OSBPL2: variants seen among roughly 807,000 people sequenced by gnomAD.
OSBPL2 encodes oxysterol binding protein like 2.
Under a neutral mutation model 58.4 loss-of-function variants are expected in OSBPL2, and 18 were observed. The ratio of observed to expected loss-of-function variants is 0.31; its 90% CI spans 0.21 to 0.46. The LOEUF (loss-of-function observed/expected upper bound fraction) is 0.46. OSBPL2 is among the 20% of genes least tolerant of loss of function. The pLI, the probability that OSBPL2 is intolerant of heterozygous loss-of-function variation, is 1.00. For synonymous variants in OSBPL2, 221 were observed against 234.1 expected, an observed-to-expected ratio of 0.94 and a Z score of 0.51; for missense variants, 461 against 616.5, an observed-to-expected ratio of 0.75 and a Z score of 2.67.
chr20:62,268,853 C>G (rs543668523), intron 4 of OSBPL2, among the ~76,000 whole-genome samples: 30 of 152,046 alleles, frequency 2.0e-4, no homozygotes, highest in Non-Finnish European at 3.8e-4. Flanking sequence ...GTCAGGAGTT[C>G]GAGACCAGTC....
rs1981905882 is a variant in OSBPL2, at chr20:62,269,396, CAG to C, written c.259-2728_259-2727del. On this transcript the variant is annotated intron_variant, in intron 4 of 13. Coordinates refer to ENST00000313733, the MANE Select transcript of OSBPL2 (RefSeq NM_144498.4). The surrounding 1 kb of genome is among the most constrained non-coding windows in gnomAD (Gnocchi z 4.2). ...GTTCCTAGAAGTGGGGCTGCTGGGTCAGGGGCAAATACCCGTAGAGTTTGCTA... is the reference window on the plus strand; with the variant it reads ...GTTCCTAGAAGTGGGGCTGCTGGGTCGGGCAAATACCCGTAGAGTTTGCTA... 6.6e-6 allele frequency among the ~76,000 whole-genome samples: 1 copy of C among 152,200 alleles called. No homozygotes were observed. The highest frequency in any genetic ancestry group is 2.4e-5 in the African/African-American group (1 of 41,444).
At chr20:62,276,912 A>G (rs1258264823) in intron 6 of OSBPL2, among the ~76,000 whole-genome samples, 2 of 152,212 alleles carry the variant, frequency 1.3e-5, no homozygotes, top group African/African-American at 4.8e-5. Flanking sequence ...TGTCAGAGGC[A>G]TTGACGGGAT....
Position 62,286,632 on chromosome 20 carries a change from T to TGGCCCAGGAGACCGTGCA in OSBPL2, c.1049_1066dup (p.Ala350_Gln355dup). ...AGCGACGTGGCTGACGACGTGCCTGTGGCCCAGGAGACCGTGCAGGTCATT... is the reference window on the plus strand; with the variant it reads ...AGCGACGTGGCTGACGACGTGCCTGTGGCCCAGGAGACCGTGCAGGCCCAGGAGACCGTGCAGGTCATT... On this transcript the variant is annotated inframe_insertion, in exon 11 of 14. Transcript: ENST00000313733. 6 of 1,613,800 alleles carry TGGCCCAGGAGACCGTGCA rather than the reference T, an allele frequency of 3.7e-6. No homozygotes were observed. Among genetic ancestry groups the TGGCCCAGGAGACCGTGCA allele is most frequent in the Non-Finnish European group, 5.1e-6 (6 of 1,179,942 alleles).
chr20:62,272,334 G>A, intron 5 of OSBPL2, 75 bp downstream of exon 5: 1 of 1,546,090 alleles, frequency 6.5e-7, no homozygotes, highest in South Asian at 1.2e-5. Flanking sequence ...CACAGTCTTG[G>A]GGCCCCAGGC....
rs1157412808 is a variant in OSBPL2 at position 62,284,150 on chromosome 20, A to G, written c.977A>G (p.His326Arg). 6.2e-7 allele frequency: 1 copy of G among 1,614,118 alleles called. No individual in the cohort carries two copies. The highest frequency in any genetic ancestry group is 1.7e-5 in the Admixed American group (1 of 60,028). The change falls in exon 10 of 14, where the codon CAC (histidine) becomes CGC (arginine). Residue 326 changes from histidine (H) to arginine (R), a missense_variant. Physicochemically the swap from His to Arg is conservative, Grantham distance 29. Around this residue, in one of 5 missense-constraint regions of OSBPL2, gnomAD observed 319 missense variants for 419.2 expected, o/e 0.76. Transcript: ENST00000313733. ...SFKKQERRGD[H>R]LRKAKLDEDS... ...AAGAAGCAGGAGAGGAGAGGTGACCACCTGAGAAAGGCCAAGCTGGTAAGG... is the reference window on the plus strand; with the variant it reads ...AAGAAGCAGGAGAGGAGAGGTGACCGCCTGAGAAAGGCCAAGCTGGTAAGG...
intron 7 of OSBPL2, 114 bp downstream of exon 7, chr20:62,279,453 G>C (rs1017464352): frequency 8.2e-6 from 9 of 1,098,820 alleles, no homozygotes; most frequent in Non-Finnish European, 1.0e-5. Context: ...TTCTCCTGAG[G>C]TGGGGACCTC....
At position 62,273,391 on chromosome 20, in the gene OSBPL2, C is replaced by A; in HGVS notation, c.476C>A (p.Thr159Lys). 1 of 1,599,198 alleles carries A rather than the reference C, an allele frequency of 6.3e-7. No individual in the cohort carries two copies. Among genetic ancestry groups the A allele is most frequent in the Non-Finnish European group, 8.5e-7 (1 of 1,175,152 alleles). ...GKPFNPLLGE[T>K]YELIREDLGF... ...CCATTTAATCCACTCTTGGGAGAAA[C>A]GTATGAATTAATCAGGTAAGGGGGG... Residue 159 changes from threonine to lysine, a missense_variant, in exon 6 of 14, where the codon ACG becomes AAG. By Grantham distance (78) the Thr-to-Lys change is moderately conservative. Around this residue, in one of 5 missense-constraint regions of OSBPL2, gnomAD observed 319 missense variants for 419.2 expected, o/e 0.76. Coordinates refer to ENST00000313733, the MANE Select transcript of OSBPL2 (RefSeq NM_144498.4).
Position 62,294,722 on chromosome 20 carries a change from C to T in OSBPL2, c.*835C>T, listed in dbSNP as rs1983750444. On this transcript the variant is annotated 3_prime_UTR_variant, in exon 14 of 14. Coordinates refer to ENST00000313733, the MANE Select transcript of OSBPL2 (RefSeq NM_144498.4). ...ACCGCGTCCGTGTCTCCAGGGGGTT[C>T]CTTTCTTCTCACACGTCGCGTGTAC... 1 of 152,210 alleles carries T rather than the reference C, an allele frequency of 6.6e-6. No individual in the cohort carries two copies. Among genetic ancestry groups the T allele is most frequent in the African/African-American group, 2.4e-5 (1 of 41,456 alleles). 9.4% of individuals were successfully genotyped at this position (152,210 alleles called of 1,614,324 possible). A position where few individuals can be genotyped will look rare whatever the true frequency, so the allele number is the denominator to read the frequency against.
chr20:62,292,937 G>A (rs6062198), intron 13 of OSBPL2, among the ~76,000 whole-genome samples: 74,904 of 149,578 alleles, frequency 0.5, 19,480 homozygotes, highest in South Asian at 0.63. Flanking sequence ...GCGTGATCTC[G>A]GCTCACTGCA....
intron 1 of OSBPL2, among the ~76,000 whole-genome samples, chr20:62,241,274 GC>G (rs1568819850): frequency 6.6e-6 from 1 of 151,934 alleles, no homozygotes; most frequent in Non-Finnish European, 1.5e-5. Flanking sequence ...CTCACTGCAA[GC>G]TCTGCCTCCC....
intron 1 of OSBPL2, among the ~76,000 whole-genome samples, chr20:62,249,947 G>A (rs970500256): frequency 1.4e-4 from 21 of 152,350 alleles, no homozygotes; most frequent in African/African-American, 5.1e-4. Flanking sequence ...GCTGGGGCAG[G>A]CGCTCCTCGA....
intron 1 of OSBPL2, among the ~76,000 whole-genome samples, chr20:62,254,775 A>T (rs1980808888): frequency 6.6e-6 from 1 of 152,204 alleles, no homozygotes; most frequent in Admixed American, 6.5e-5. Context: ...CGTTCATCAA[A>T]CGCTGCTTTT....
chr20:62,241,070 T>C (rs1979695853), intron 1 of OSBPL2, among the ~76,000 whole-genome samples: 1 of 152,200 alleles, frequency 6.6e-6, no homozygotes, highest in Admixed American at 6.5e-5. Context: ...GTGTTCCACA[T>C]GTTAATGAGA....
At chr20:62,289,973 A>G (rs557430154) in intron 12 of OSBPL2, among the ~76,000 whole-genome samples, 1 of 152,332 alleles carries the variant, frequency 6.6e-6, no homozygotes, top group South Asian at 2.1e-4. Context: ...TGTTATTATT[A>G]AATTAAACAA....
chr20:62,263,643 C>T lies in OSBPL2; in HGVS notation c.210C>T (p.Ser70=). The T allele has an allele frequency of 6.2e-7, 1 of 1,614,216 alleles. No homozygotes were observed. The highest frequency in any genetic ancestry group is 2.2e-5 in the East Asian group (1 of 44,882). ...CATCGCTGCCGGCTCCCATGTTCAG[C>T]AGAAGCGACTTCAGCGTGTGGACCA... is the stretch of plus-strand genomic sequence containing the variant. The part of the protein sequence containing the change: ...HRTSLPAPMF[S]RSDFSVWTIL... The change falls in exon 4 of 14, where the codon AGC becomes AGT. Residue 70 remains serine, a synonymous_variant. Transcript: ENST00000313733.
At position 62,295,909 on chromosome 20, in the gene OSBPL2, C is replaced by CTG. The variant is rs1983831978; in HGVS notation, c.*2023_*2024insGT. ...GCCCACGGGTTTGTTTCCAAGTCCT[C>CTG]TTCTAGGACCAGGCTCCTGGTATTT... On this transcript the variant is annotated 3_prime_UTR_variant, in exon 14 of 14. Transcript: ENST00000313733. The surrounding 1 kb of genome is among the most constrained non-coding windows in gnomAD (Gnocchi z 4.8). 1 of 152,200 alleles carries CTG rather than the reference C, an allele frequency of 6.6e-6. No individual in the cohort carries two copies. Among genetic ancestry groups the CTG allele is most frequent in the Non-Finnish European group, 1.5e-5 (1 of 68,036 alleles). The allele number at this position is 152,200 out of a possible 1,614,324, so 9.4% of individuals were successfully genotyped here. A position where few individuals can be genotyped will look rare whatever the true frequency, so the allele number is the denominator to read the frequency against.
rs142516138 is a variant in OSBPL2, at chr20:62,269,182, G to A, written c.259-2943G>A. ...CCTGCAAAGTGTTGGAATTACAGGC[G>A]TGAGCCATCTCGCCTGGCCGACTTC... On this transcript the variant is annotated intron_variant, in intron 4 of 13. Transcript: ENST00000313733. This position sits in a 1 kb window ranked among gnomAD's most constrained non-coding sequence, Gnocchi z 4.2. 3.6e-4 allele frequency among the ~76,000 whole-genome samples: 55 copies of A among 152,308 alleles called. No homozygotes were observed. The East Asian group carries it at 8.7e-3, about 24-fold the overall frequency.
intron 1 of OSBPL2, among the ~76,000 whole-genome samples, chr20:62,244,104 C>T (rs868302433): frequency 7.9e-5 from 12 of 152,290 alleles, no homozygotes; most frequent in East Asian, 5.8e-4. Flanking sequence ...AGGGCAAGGA[C>T]GCACTCCAGC....
chr20:62,272,084 G>A (rs376644020), intron 4 of OSBPL2, 41 bp from the exon 5 acceptor site: 7 of 1,610,748 alleles, frequency 4.3e-6, no homozygotes. Context: ...AGCGGTGTCA[G>A]GAAGGCAGCA....
Sources: gnomAD v4.1 joint callset for allele counts (sites outside exome capture counted in the v4.1 genomes callset) on GRCh38, gnomAD v4.1.1 for gene constraint, gnomAD v4.1.1 regional missense constraint, Gnocchi (gnomAD v3.1) non-coding constraint, MANE v1.5 for transcripts, NCBI Gene and HGNC (gene_info 2026-07-23, HGNC 2026-07-21) for gene names.